The following TAF13 variants were observed in gnomAD, a reference collection of about 807,000 sequenced individuals.
TAF13 encodes TATA-box binding protein associated factor 13, also known as transcription initiation factor TFIID subunit 13.
A neutral mutation model predicts 18.7 loss-of-function variants in TAF13; 9 were observed. The ratio of observed to expected loss-of-function variants is 0.48; its 90% CI spans 0.29 to 0.84. TAF13 has a LOEUF of 0.84. TAF13 is among the 40% of genes least tolerant of loss of function. The pLI, the probability that TAF13 is intolerant of heterozygous loss-of-function variation, is 0.08. For synonymous variants in TAF13, 49 were observed against 44.1 expected, an observed-to-expected ratio of 1.11 and a Z score of -0.44; for missense variants, 105 against 146.5, an observed-to-expected ratio of 0.72 and a Z score of 1.46.
intron 2 of TAF13, among the ~76,000 whole-genome samples, chr1:109,068,432 C>A (rs1663987805): frequency 6.6e-6 from 1 of 152,200 alleles, no homozygotes; most frequent in Non-Finnish European, 1.5e-5. Context: ...CTACCACACC[C>A]AGCCATTTAA....
chr1:109,073,404 CT>C (rs1433503270), intron 2 of TAF13, among the ~76,000 whole-genome samples: 1 of 152,104 alleles, frequency 6.6e-6, no homozygotes, highest in Non-Finnish European at 1.5e-5. Context: ...CTCCCTCCCC[CT>C]CCCCCTCGTC....
intron 2 of TAF13, among the ~76,000 whole-genome samples, chr1:109,072,533 C>T (rs1307761767): frequency 6.6e-6 from 1 of 152,230 alleles, no homozygotes; most frequent in African/African-American, 2.4e-5. Flanking sequence ...CAACCTCCAC[C>T]TCCTGGGCTC....
intron 1 of TAF13, 60 bp downstream of exon 1, chr1:109,075,861 C>CG: frequency 6.2e-7 from 1 of 1,610,916 alleles, no homozygotes; most frequent in Non-Finnish European, 8.5e-7. Flanking sequence ...AACTCTGCCT[C>CG]CGCTACTGAG....
chr1:109,073,915 G>A (rs1343245809), intron 2 of TAF13, among the ~76,000 whole-genome samples: 1 of 151,196 alleles, frequency 6.6e-6, no homozygotes, highest in Non-Finnish European at 1.5e-5. Context: ...CCGTCTGGGA[G>A]GTGAGGAGCA....
intron 2 of TAF13, among the ~76,000 whole-genome samples, chr1:109,067,436 T>TAA (rs71069643): frequency 2.0e-3 from 257 of 130,926 alleles, no homozygotes; most frequent in African/African-American, 6.5e-3. Flanking sequence ...CTGTTTCTAC[T>TAA]AAAAAAAAAA....
At chr1:109,073,631 T>C (rs1019009484) in intron 2 of TAF13, among the ~76,000 whole-genome samples, 1 of 152,154 alleles carries the variant, frequency 6.6e-6, no homozygotes, top group African/African-American at 2.4e-5. Flanking sequence ...CCTCCCGAGG[T>C]GCCGGGATTC....
At chr1:109,065,688 C>G (rs1000108754) in intron 3 of TAF13, among the ~76,000 whole-genome samples, 9 of 151,966 alleles carry the variant, frequency 5.9e-5, no homozygotes, top group African/African-American at 1.9e-4. Flanking sequence ...TTTGGGAGGC[C>G]GAGGCTGGCG....
chr1:109,075,924 G>A lies in TAF13; in HGVS notation c.24C>T (p.Pro8=), dbSNP rs767360541. ...TTGGACAGAGACGGTCACTCACCGT[G>A]GGGTCTTCTTCCTCATCTGCCATCC... MADEEED[P]TFEEENEEIG... is the part of the protein sequence containing the mutation. The change falls in exon 1 of 4, where the codon CCC becomes CCT. Residue 8 remains proline (P), a synonymous_variant. Coordinates refer to ENST00000338366, the MANE Select transcript of TAF13 (RefSeq NM_005645.4). 1.2e-5 allele frequency: 20 copies of A among 1,614,076 alleles called. No individual in the cohort carries two copies. The South Asian group carries it at 2.0e-4, about 16-fold the overall frequency.
At chr1:109,073,452 G>T (rs1020971442) in intron 2 of TAF13, among the ~76,000 whole-genome samples, 6 of 152,094 alleles carry the variant, frequency 3.9e-5, no homozygotes, top group Admixed American at 3.3e-4. Flanking sequence ...CTCTGTTGCC[G>T]AGGCTGGACT....
chr1:109,074,130 T>C (rs1460556171), intron 2 of TAF13, among the ~76,000 whole-genome samples: 3 of 152,196 alleles, frequency 2.0e-5, no homozygotes, highest in South Asian at 2.1e-4. Context: ...TTTTGTCGAA[T>C]AGAAAACGGG....
intron 1 of TAF13, 81 bp from the exon 2 acceptor site, chr1:109,075,146 T>G (rs1375621684): frequency 2.8e-5 from 35 of 1,259,540 alleles, no homozygotes; most frequent in Non-Finnish European, 5.5e-6. Flanking sequence ...TTTTTTTCCT[T>G]TTCAACAGAT....
intron 2 of TAF13, among the ~76,000 whole-genome samples, chr1:109,068,462 G>GGTCT (rs1557984795): frequency 6.6e-6 from 1 of 151,954 alleles, no homozygotes. Context: ...TAGAGACAGG[G>GGTCT]GTCTTGCTAT....
intron 2 of TAF13, among the ~76,000 whole-genome samples, chr1:109,071,999 TATATATATATATATACACACAC>T (rs1664071655): frequency 1.8e-3 from 5 of 2,748 alleles, no homozygotes; most frequent in South Asian, 0.021. Flanking sequence ...TATATATATA[TATATATATATATATACACACAC>T]ATATATATAT....
intron 2 of TAF13, among the ~76,000 whole-genome samples, chr1:109,072,097 TATATATATATATATATATACACAC>T (rs1442619260): frequency 1.0e-3 from 6 of 5,796 alleles, no homozygotes; most frequent in Admixed American, 2.2e-3. Flanking sequence ...TATATATATA[TATATATATATATATATATACACAC>T]ATATATATAT....
At position 109,075,177 on chromosome 1, in the gene TAF13, G is replaced by A. The variant is rs191764209; in HGVS notation, c.28-112C>T. On this transcript the variant is annotated intron_variant, in intron 1 of 3. Transcript: ENST00000338366. ...CAGATAGGCCAGAAAGCCAAAGGAA[G>A]CAGCAAAAAAAAAAACCACGAAACC... 347 of 868,812 alleles carry A rather than the reference G, an allele frequency of 4.0e-4. No homozygotes were observed. The African/African-American group carries it at 5.6e-3, about 14-fold the overall frequency. The allele number at this position is 868,812 out of a possible 1,614,324, so 53.8% of individuals were successfully genotyped here.
intron 2 of TAF13, among the ~76,000 whole-genome samples, chr1:109,071,650 T>G (rs1664054539): frequency 6.6e-6 from 1 of 150,998 alleles, no homozygotes; most frequent in African/African-American, 2.4e-5. Context: ...TAATTTTTCT[T>G]AAAAAAGATA....
intron 3 of TAF13, 142 bp from the exon 4 acceptor site, chr1:109,064,835 T>C: frequency 1.5e-6 from 1 of 667,586 alleles, no homozygotes; most frequent in South Asian, 4.6e-5. Flanking sequence ...ATTATCTTTC[T>C]ACTCATGTCC....
intron 2 of TAF13, among the ~76,000 whole-genome samples, chr1:109,071,842 C>T (rs1364284939): frequency 1.3e-5 from 2 of 150,742 alleles, no homozygotes; most frequent in African/African-American, 4.9e-5. Flanking sequence ...GTCCCAGCTA[C>T]TCAGGAGGCT....
intron 3 of TAF13, among the ~76,000 whole-genome samples, chr1:109,064,942 T>C (rs1307897361): frequency 6.6e-6 from 1 of 152,160 alleles, no homozygotes; most frequent in Non-Finnish European, 1.5e-5. Flanking sequence ...GTCAACTTTA[T>C]TGTTCCTTTT....
Sources: gnomAD v4.1 joint callset for allele counts (sites outside exome capture counted in the v4.1 genomes callset) on GRCh38, gnomAD v4.1.1 for gene constraint, MANE v1.5 for transcripts, NCBI Gene and HGNC (gene_info 2026-07-23, HGNC 2026-07-21) for gene names.